LZTR1: variants seen among roughly 807,000 people sequenced by gnomAD.
LZTR1 encodes leucine-zipper-like transcriptional regulator 1.
Under a neutral mutation model 105.7 loss-of-function variants are expected in LZTR1, and 260 were observed. The ratio of observed to expected loss-of-function variants is 2.46; its 90% confidence interval spans 2.22 to 2.72. LZTR1 has a LOEUF of 2.72. Among genes scored for constraint, LZTR1 ranks in the 30% most tolerant of loss-of-function variants. The pLI, the probability that LZTR1 is intolerant of heterozygous loss-of-function variation, is 0.00. For missense variants in LZTR1, 1,214 were observed against 1,166.9 expected (o/e 1.04, Z -0.59); for synonymous variants, 490 against 476.4 (o/e 1.03, Z -0.37).
rs535425465 is a variant in LZTR1 at position 20,990,431 on chromosome 22, G to A, written c.697G>A (p.Val233Met). ...EIPPSCCNFPVAVCRDKMFVF... is the reference protein window; with the variant it reads ...EIPPSCCNFPMAVCRDKMFVF... ...CCCCCCATCTTGCTGCAACTTCCCC[G>A]TGGCTGTGTGCCGGGACAAGATGTT... The change falls in exon 8 of 21, where the codon GTG becomes ATG. Residue 233 changes from valine (V) to methionine (M), a missense_variant. Physicochemically the swap from Val to Met is conservative, Grantham distance 21 (BLOSUM62 1). Transcript: ENST00000646124. 1.2e-6 allele frequency: 2 copies of A among 1,614,110 alleles called. No homozygotes were observed. The highest frequency in any genetic ancestry group is 1.3e-5 in the African/African-American group (1 of 75,020).
chr22:20,991,844 G>A lies in LZTR1; in HGVS notation c.993+15G>A, dbSNP rs759962415. 6.5e-7 allele frequency: 1 copy of A among 1,544,138 alleles called. No homozygotes were observed. The highest frequency in any genetic ancestry group is 1.2e-5 in the South Asian group (1 of 83,760). ...CCGACAGCGAGGTGAGGGTGCCCAG[G>A]GGTGTCCTGACCTGCCAGCTGGACA... On this transcript the variant is annotated intron_variant, in intron 9 of 20. Transcript: ENST00000646124.
intron 8 of LZTR1, chr22:20,991,038 G>C (rs542475906): frequency 6.1e-6 from 1 of 162,968 alleles, no homozygotes; most frequent in East Asian, 1.9e-4. Context: ...GGAAGGGCAG[G>C]GAGCCCCAGG....
At chr22:20,983,383 G>A (rs140744794) in intron 2 of LZTR1, among the ~76,000 whole-genome samples, 15 of 152,320 alleles carry the variant, frequency 9.8e-5, no homozygotes, top group Admixed American at 1.3e-4. Flanking sequence ...CCACCCTTGC[G>A]GCCAGCCCTG....
rs1254613482 is a variant in LZTR1, at chr22:20,985,824, T to A, written c.264-17T>A. The A allele has an allele frequency of 3.1e-6, 5 of 1,613,816 alleles. No homozygotes were observed. The South Asian group carries it at 4.4e-5, about 14-fold the overall frequency. On this transcript the variant is annotated splice_polypyrimidine_tract_variant and intron_variant, in intron 2 of 20. Coordinates refer to ENST00000646124, the MANE Select transcript of LZTR1 (RefSeq NM_006767.4). ...TAGACCTGGCTAATGCCACCCTCTCTTCCGGCTGCCTTTCAGGAAGACCAT... is the reference window on the plus strand; with the variant it reads ...TAGACCTGGCTAATGCCACCCTCTCATCCGGCTGCCTTTCAGGAAGACCAT...
intron 3 of LZTR1, chr22:20,986,527 CAG>C (rs1924392694): frequency 1.3e-5 from 2 of 151,866 alleles, no homozygotes; most frequent in South Asian, 4.2e-4. Context: ...TGATAGATGA[CAG>C]ATCGATAGAT....
In LZTR1 at chr22:20,983,035, A is replaced by T; in HGVS notation, c.209A>T (p.Lys70Met). The T allele has an allele frequency of 6.2e-7, 1 of 1,614,126 alleles. No individual in the cohort carries two copies. Among genetic ancestry groups the T allele is most frequent in the Non-Finnish European group, 8.5e-7 (1 of 1,179,980 alleles). ...CACTCCTTTCTTTCCAGGCGCAGCA[A>T]GCACACAGTGGTGGCCTATAAAGAT... ...CDEFVGARRS[K>M]HTVVAYKDAI... Residue 70 changes from lysine (K) to methionine (M), a missense_variant, in exon 2 of 21, where the codon AAG (lysine) becomes ATG (methionine). Lys to Met is a moderately conservative substitution (Grantham distance 95). Transcript: ENST00000646124.
At chr22:20,995,678 G>A (rs1397308979) in intron 16 of LZTR1, 68 bp from the exon 17 acceptor site, 1 of 1,588,270 alleles carries the variant, frequency 6.3e-7, no homozygotes, top group South Asian at 1.1e-5. Context: ...TATGCAGGAA[G>A]GTAGTGCCGT....
At chr22:20,989,795 G>T in intron 7 of LZTR1, 113 bp downstream of exon 7, 4 of 1,201,896 alleles carry the variant, frequency 3.3e-6, no homozygotes, top group Non-Finnish European at 4.7e-6. Flanking sequence ...GTGGAGGGAG[G>T]TGGGAGGCAG....
intron 19 of LZTR1, 29 bp from the exon 20 acceptor site, chr22:20,996,857 G>A: frequency 1.2e-6 from 2 of 1,612,360 alleles, no homozygotes; most frequent in Non-Finnish European, 1.7e-6. Context: ...GGTGAAAGGG[G>A]CAGCGCCTCA....
intron 6 of LZTR1, 97 bp from the exon 7 acceptor site, chr22:20,989,528 G>A (rs1325673494): frequency 3.1e-6 from 3 of 967,350 alleles, no homozygotes; most frequent in Non-Finnish European, 5.1e-6. Context: ...CCCTGTGTGG[G>A]GGTGGGGCTC....
In LZTR1 at chr22:20,996,909, G is replaced by A. The variant is rs1924877419; in HGVS notation, c.2349G>A (p.Thr783=). 1.2e-5 allele frequency: 19 copies of A among 1,612,744 alleles called. No individual in the cohort carries two copies. Among genetic ancestry groups the A allele is most frequent in the Non-Finnish European group, 1.4e-5 (17 of 1,179,314 alleles). Reference sequence around the variant, plus strand: ...AGATCCTGGAGGCAGCTGACAAAACGCAGGCACTGGACATGAAGCGGCACT... The same window carrying A: ...AGATCCTGGAGGCAGCTGACAAAACACAGGCACTGGACATGAAGCGGCACT... ...VLQILEAADK[T]QALDMKRHCL... Residue 783 remains threonine (T), a synonymous_variant, in exon 20 of 21, where the codon ACG becomes ACA. Coordinates refer to ENST00000646124, the MANE Select transcript of LZTR1 (RefSeq NM_006767.4).
At chr22:20,990,218 T>C (rs191939470) in intron 7 of LZTR1, among the ~76,000 whole-genome samples, 168 bp from the exon 8 acceptor site, 2 of 152,180 alleles carry the variant, frequency 1.3e-5, no homozygotes, top group Admixed American at 1.3e-4. Context: ...CTGGGCCCCG[T>C]GAAGTGGATG....
rs765969026 is a variant in LZTR1 at position 20,997,281 on chromosome 22, A to G, written c.2456A>G (p.Asp819Gly). ...LRSLSQQLLLDIIDSLASHIS... is the reference protein window; with the variant it reads ...LRSLSQQLLLGIIDSLASHIS... ...TCGCTGAGCCAGCAGCTGCTGCTGGACATCATAGACTCCCTGGCCTCCCAC... is the reference window on the plus strand; with the variant it reads ...TCGCTGAGCCAGCAGCTGCTGCTGGGCATCATAGACTCCCTGGCCTCCCAC... Residue 819 changes from aspartate (D) to glycine (G), a missense_variant, in exon 21 of 21, where the codon GAC (aspartate) becomes GGC (glycine). Physicochemically the swap from Asp to Gly is moderately conservative, Grantham distance 94. Transcript: ENST00000646124. 2 of 1,613,814 alleles carry G rather than the reference A, an allele frequency of 1.2e-6. No individual in the cohort carries two copies. The highest frequency in any genetic ancestry group is 2.2e-5 in the East Asian group (1 of 44,864).
chr22:20,992,246 T>A lies in LZTR1; in HGVS notation c.1026T>A (p.Cys342Ter), dbSNP rs763509989. 1 of 1,613,954 alleles carries A rather than the reference T, an allele frequency of 6.2e-7. No homozygotes were observed. Among genetic ancestry groups the A allele is most frequent in the Admixed American group, 1.7e-5 (1 of 60,012 alleles). Residue 342 changes from cysteine (C) to a stop codon, truncating the protein, a stop_gained, in exon 10 of 21, where the codon TGT (cysteine) becomes TGA (stop). Transcript: ENST00000646124. LOFTEE classifies it high-confidence loss of function. ...GGGCTGAAGTGCCCGAGCGAGCCTG[T>A]GCTTCCGAGGAGGTGCCCACCCTGA... ...VGGAEVPERA[C>*]ASEEVPTLTY...
In LZTR1 at chr22:20,996,082, G is replaced by A. The variant is rs1434861982; in HGVS notation, c.2189G>A (p.Gly730Asp). ...TCCATGCTGCGCTACATCTACTACG[G>A]CGAGGTCAACATGCCGCCCGAGGAC... ...FESMLRYIYYGEVNMPPEDSL... is the reference protein window; with the variant it reads ...FESMLRYIYYDEVNMPPEDSL... Residue 730 changes from glycine to aspartate, a missense_variant, in exon 18 of 21, where the codon GGC becomes GAC. Gly to Asp is a moderately conservative substitution (Grantham distance 94). Transcript: ENST00000646124. The A allele has an allele frequency of 3.7e-6, 6 of 1,613,148 alleles. No homozygotes were observed. Among genetic ancestry groups the A allele is most frequent in the Non-Finnish European group, 4.2e-6 (5 of 1,180,002 alleles).
chr22:20,984,984 G>T (rs933869242), intron 2 of LZTR1, among the ~76,000 whole-genome samples: 1 of 152,172 alleles, frequency 6.6e-6, no homozygotes, highest in Non-Finnish European at 1.5e-5. Context: ...AGCACTTTGG[G>T]AGGCTGAGGT....
rs376049897 is a variant in LZTR1, at chr22:20,988,845, T to A, written c.566T>A (p.Ile189Asn). Residue 189 changes from isoleucine (I) to asparagine (N), a missense_variant, in exon 6 of 21, where the codon ATC becomes AAC. Transcript: ENST00000646124. ...GATVYSDKLW[I>N]FAGYDGNARL... The stretch of plus-strand genomic sequence containing the variant: ...ACGGTGTACAGTGACAAGCTGTGGA[T>A]CTTTGCTGGCTATGACGGCAACGCC... The A allele has an allele frequency of 6.2e-7, 1 of 1,614,128 alleles. No individual in the cohort carries two copies. The highest frequency in any genetic ancestry group is 8.5e-7 in the Non-Finnish European group (1 of 1,180,024).
intron 3 of LZTR1, 39 bp downstream of exon 3, chr22:20,985,936 T>C: frequency 2.5e-6 from 4 of 1,597,916 alleles, no homozygotes; most frequent in Non-Finnish European, 3.4e-6. Flanking sequence ...CCTTTCCTCC[T>C]AGAACACAGT....
chr22:20,997,072 G>T, intron 20 of LZTR1, 106 bp downstream of exon 20: 1 of 1,265,348 alleles, frequency 7.9e-7, no homozygotes, highest in Non-Finnish European at 1.1e-6. Context: ...GGTGGGCCCT[G>T]GGGGTGAGAG....
Sources: gnomAD v4.1 joint callset for allele counts (sites outside exome capture counted in the v4.1 genomes callset) on GRCh38, gnomAD v4.1.1 for gene constraint, MANE v1.5 for transcripts, NCBI Gene and HGNC (gene_info 2026-07-23, HGNC 2026-07-21) for gene names.